Variants in AFG2A observed in about 807,000 individuals in gnomAD.
AFG2A encodes AAA ATPase AFG2A, also known as ATPase family gene 2 protein homolog A.
the AFG2A span, among the ~76,000 whole-genome samples, chr4:122,970,211 CT>C: frequency 6.6e-6 from 1 of 152,138 alleles, no homozygotes; most frequent in African/African-American, 2.4e-5. Flanking sequence ...ATCTTTTATA[CT>C]ATATTTTTAC....
the AFG2A span, among the ~76,000 whole-genome samples, chr4:123,235,878 AT>A: frequency 6.6e-6 from 1 of 152,222 alleles, no homozygotes; most frequent in Non-Finnish European, 1.5e-5. Flanking sequence ...AGGAAATTAT[AT>A]TTTTTAACTA....
At chr4:123,102,798 CTGTG>C in the AFG2A span, among the ~76,000 whole-genome samples, 1,650 of 141,196 alleles carry the variant, frequency 0.012, 17 homozygotes, top group East Asian at 0.031. Context: ...TCCTGGCATT[CTGTG>C]TGTGTGTGTG....
chr4:123,059,302 C>G, the AFG2A span, among the ~76,000 whole-genome samples: 1 of 127,284 alleles, frequency 7.9e-6, no homozygotes, highest in Non-Finnish European at 1.7e-5. Context: ...ATCCCTCCCC[C>G]CTCCCCCGAC....
chr4:123,132,844 G>T, the AFG2A span, among the ~76,000 whole-genome samples: 1 of 147,824 alleles, frequency 6.8e-6, no homozygotes, highest in South Asian at 2.1e-4. Flanking sequence ...GCAGTGGTGC[G>T]ATCTTGGCTC....
chr4:123,046,490 G>A, the AFG2A span, among the ~76,000 whole-genome samples: 94 of 152,084 alleles, frequency 6.2e-4, no homozygotes, highest in Non-Finnish European at 4.4e-4. Flanking sequence ...AATGAGCTAC[G>A]CATTTATTTT....
the AFG2A span, among the ~76,000 whole-genome samples, chr4:122,949,350 G>T: frequency 1.3e-5 from 2 of 152,166 alleles, no homozygotes; most frequent in South Asian, 4.1e-4. Flanking sequence ...TCACGTTGTT[G>T]GTGGTGGGAA....
At chr4:123,070,401 A>G in the AFG2A span, among the ~76,000 whole-genome samples, 1 of 152,114 alleles carries the variant, frequency 6.6e-6, no homozygotes, top group Admixed American at 6.6e-5. Flanking sequence ...GGGCTGTTAT[A>G]ACAGCATAAT....
At chr4:123,009,391 G>A in the AFG2A span, among the ~76,000 whole-genome samples, 10 of 152,192 alleles carry the variant, frequency 6.6e-5, no homozygotes, top group African/African-American at 1.2e-4. Flanking sequence ...CACACTGTCA[G>A]TATAAACTTA....
At chr4:123,001,519 G>T in the AFG2A span, among the ~76,000 whole-genome samples, 2 of 150,870 alleles carry the variant, frequency 1.3e-5, no homozygotes, top group South Asian at 2.2e-4. Flanking sequence ...GTTCTCGTTG[G>T]TTTCAAAGAA....
At chr4:123,036,604 A>G in the AFG2A span, among the ~76,000 whole-genome samples, 1 of 148,652 alleles carries the variant, frequency 6.7e-6, no homozygotes, top group Non-Finnish European at 1.5e-5. Context: ...AGTAGTCATT[A>G]ATAGCAGAAG....
the AFG2A span, among the ~76,000 whole-genome samples, chr4:123,012,522 G>C: frequency 6.6e-6 from 1 of 152,160 alleles, no homozygotes; most frequent in Admixed American, 6.5e-5. Context: ...ACCAAGGCAG[G>C]CGTCCCTGCG....
chr4:123,229,528 A>G, the AFG2A span, among the ~76,000 whole-genome samples: 1 of 151,954 alleles, frequency 6.6e-6, no homozygotes, highest in African/African-American at 2.4e-5. Context: ...GGAATGTGGC[A>G]AGAGTAGACA....
At chr4:123,028,410 T>G in the AFG2A span, 1 of 1,610,856 alleles carries the variant, frequency 6.2e-7, no homozygotes, top group Non-Finnish European at 8.5e-7. Context: ...GGTGTTAAAT[T>G]TTTTAATCGC....
the AFG2A span, chr4:123,315,678 T>C: frequency 1.3e-5 from 2 of 152,228 alleles, no homozygotes; most frequent in African/African-American, 4.8e-5. Flanking sequence ...CACTTAAACT[T>C]GATCACTGTA....
chr4:123,228,028 T>A, the AFG2A span, among the ~76,000 whole-genome samples: 3 of 152,148 alleles, frequency 2.0e-5, no homozygotes, highest in African/African-American at 7.2e-5. Flanking sequence ...AGACTAGGAT[T>A]GCAACCCCTG....
At chr4:123,070,168 G>A in the AFG2A span, among the ~76,000 whole-genome samples, 3 of 152,008 alleles carry the variant, frequency 2.0e-5, no homozygotes, top group African/African-American at 4.8e-5. Flanking sequence ...TCACACACCC[G>A]TTAGTTTAAT....
At chr4:123,011,475 G>T in the AFG2A span, among the ~76,000 whole-genome samples, 3 of 152,090 alleles carry the variant, frequency 2.0e-5, no homozygotes, top group African/African-American at 4.8e-5. Context: ...GGTTTCACTC[G>T]CGTCCCTGTG....
chr4:122,947,451 C>A, the AFG2A span: 17 of 1,613,422 alleles, frequency 1.1e-5, no homozygotes, highest in Admixed American at 1.7e-5. Flanking sequence ...CTCATGGATA[C>A]GTTGGAGCAG....
the AFG2A span, among the ~76,000 whole-genome samples, chr4:123,023,250 T>C: frequency 6.6e-6 from 1 of 152,102 alleles, no homozygotes; most frequent in Non-Finnish European, 1.5e-5. Flanking sequence ...TCAGAACTCT[T>C]TGATGAAGTC....
Sources: allele counts gnomAD v4.1 joint callset (sites outside exome capture counted in the v4.1 genomes callset), GRCh38; gene constraint gnomAD v4.1.1; transcripts MANE v1.5; gene names NCBI Gene and HGNC (gene_info 2026-07-23, HGNC 2026-07-21).